SEMA3C: variants seen among roughly 807,000 people sequenced by gnomAD.
The protein encoded by SEMA3C is semaphorin-3C.
Under a neutral mutation model 89.4 loss-of-function variants are expected in SEMA3C, and 47 were observed. The observed-to-expected ratio is 0.53, with a 90% confidence interval of 0.42 to 0.67. The LOEUF is 0.67. Among genes scored for constraint, SEMA3C ranks in the 30% least tolerant of loss-of-function variants. The pLI is 0.00. For missense variants in SEMA3C, 839 were observed against 929.1 expected, an observed-to-expected ratio of 0.90 and a Z score of 1.26; for synonymous variants, 310 against 320.2, an observed-to-expected ratio of 0.97 and a Z score of 0.34.
intron 2 of SEMA3C, among the ~76,000 whole-genome samples, chr7:80,913,058 T>C (rs1394000015): frequency 6.6e-6 from 1 of 152,126 alleles, no homozygotes; most frequent in Non-Finnish European, 1.5e-5. Flanking sequence ...GGCAGCTTTA[T>C]TACTAAAAAT....
At chr7:80,844,377 AAATT>A (rs1790340925) in intron 2 of SEMA3C, among the ~76,000 whole-genome samples, 1 of 152,186 alleles carries the variant, frequency 6.6e-6, no homozygotes, top group Non-Finnish European at 1.5e-5. Flanking sequence ...GATTTTACAT[AAATT>A]AACATTTATC....
intron 11 of SEMA3C, among the ~76,000 whole-genome samples, chr7:80,797,858 C>T (rs1789102983): frequency 6.6e-6 from 1 of 152,008 alleles, no homozygotes; most frequent in Admixed American, 6.6e-5. Flanking sequence ...ATTAGCCGGG[C>T]ATGGTGGTGC....
intron 2 of SEMA3C, among the ~76,000 whole-genome samples, chr7:80,839,423 AACAG>A (rs1458927194): frequency 6.6e-6 from 1 of 152,198 alleles, no homozygotes; most frequent in Non-Finnish European, 1.5e-5. Context: ...GATACCTGAC[AACAG>A]ACAGAGAAAA....
chr7:80,909,106 T>G (rs1792085988), intron 2 of SEMA3C, among the ~76,000 whole-genome samples: 1 of 152,112 alleles, frequency 6.6e-6, no homozygotes, highest in African/African-American at 2.4e-5. Flanking sequence ...GTGAGAGAGT[T>G]CTGCATTTAT....
At chr7:80,754,002 A>G (rs974665470) in intron 15 of SEMA3C, among the ~76,000 whole-genome samples, 1 of 152,106 alleles carries the variant, frequency 6.6e-6, no homozygotes, top group African/African-American at 2.4e-5. Flanking sequence ...CAGTGGTGCA[A>G]TCTCGGCTCG....
Position 80,818,385 on chromosome 7 carries a change from T to C in SEMA3C, c.361A>G (p.Thr121Ala). Residue 121 changes from threonine to alanine, a missense_variant, in exon 5 of 18, where the codon ACT (threonine) becomes GCT (alanine). By Grantham distance (58) the Thr-to-Ala change is moderately conservative (BLOSUM62 0). Coordinates refer to ENST00000265361, the MANE Select transcript of SEMA3C (RefSeq NM_006379.5). ...ACATACAAATGTGTGCGATTGAAAG[T>C]CTGAATTACACGGACAAAGTTCCCA... ...GCGNFVRVIQTFNRTHLYVCG... is the reference protein window; with the variant it reads ...GCGNFVRVIQAFNRTHLYVCG... 6.2e-7 allele frequency: 1 copy of C among 1,613,432 alleles called. No homozygotes were observed. Among genetic ancestry groups the C allele is most frequent in the Non-Finnish European group, 8.5e-7 (1 of 1,179,450 alleles).
intron 2 of SEMA3C, among the ~76,000 whole-genome samples, chr7:80,873,701 T>C (rs1400299959): frequency 6.6e-6 from 1 of 152,214 alleles, no homozygotes; most frequent in African/African-American, 2.4e-5. Flanking sequence ...ATCAGACCTC[T>C]AGGAGGGCCT....
intron 15 of SEMA3C, among the ~76,000 whole-genome samples, chr7:80,753,524 C>A (rs1787985318): frequency 6.6e-6 from 1 of 151,972 alleles, no homozygotes; most frequent in Non-Finnish European, 1.5e-5. Context: ...CAGAAAAAAA[C>A]ATTGTTATGG....
At chr7:80,806,814 G>C (rs1211932668) in intron 6 of SEMA3C, among the ~76,000 whole-genome samples, 2 of 152,120 alleles carry the variant, frequency 1.3e-5, no homozygotes, top group Non-Finnish European at 1.5e-5. Flanking sequence ...GCTACCTTCA[G>C]ACCGTGGTCA....
intron 8 of SEMA3C, 132 bp downstream of exon 8, chr7:80,803,974 T>A (rs1037783661): frequency 1.4e-5 from 11 of 774,940 alleles, no homozygotes; most frequent in Non-Finnish European, 2.1e-5. Flanking sequence ...ATAATGATGA[T>A]GAATAAATGT....
At chr7:80,772,589 A>C (rs979025059) in intron 12 of SEMA3C, among the ~76,000 whole-genome samples, 1 of 152,156 alleles carries the variant, frequency 6.6e-6, no homozygotes. Context: ...GGCCCTTAGA[A>C]AGGCTGTCTC....
At chr7:80,883,852 T>G (rs1280105029) in intron 2 of SEMA3C, among the ~76,000 whole-genome samples, 1 of 152,226 alleles carries the variant, frequency 6.6e-6, no homozygotes, top group African/African-American at 2.4e-5. Context: ...TAACTCATAA[T>G]TCACAAGAAT....
intron 5 of SEMA3C, among the ~76,000 whole-genome samples, chr7:80,817,331 A>G (rs989865410): frequency 1.3e-5 from 2 of 152,172 alleles, no homozygotes; most frequent in African/African-American, 4.8e-5. Context: ...AATAAGCTTT[A>G]GATCAGTAGA....
At chr7:80,849,726 T>C (rs1253766463) in intron 2 of SEMA3C, among the ~76,000 whole-genome samples, 3 of 152,136 alleles carry the variant, frequency 2.0e-5, no homozygotes, top group Admixed American at 1.3e-4. Flanking sequence ...AGACAATCTT[T>C]GTGGTCTTGT....
At chr7:80,771,514 C>G (rs1046007879) in intron 12 of SEMA3C, among the ~76,000 whole-genome samples, 1 of 152,136 alleles carries the variant, frequency 6.6e-6, no homozygotes, top group African/African-American at 2.4e-5. Flanking sequence ...TATAAGGGAG[C>G]ACAGCAATTA....
intron 2 of SEMA3C, among the ~76,000 whole-genome samples, chr7:80,852,672 T>A (rs1790540193): frequency 6.8e-6 from 1 of 147,860 alleles, no homozygotes; most frequent in African/African-American, 2.6e-5. Flanking sequence ...CAAAGCTGAA[T>A]AGACATTTTT....
At chr7:80,910,319 C>A (rs1792113757) in intron 2 of SEMA3C, among the ~76,000 whole-genome samples, 1 of 152,186 alleles carries the variant, frequency 6.6e-6, no homozygotes. Flanking sequence ...AGCTCATTCT[C>A]ATTGGATAAG....
intron 2 of SEMA3C, among the ~76,000 whole-genome samples, chr7:80,845,603 A>AT (rs1398221316): frequency 2.6e-5 from 4 of 152,038 alleles, no homozygotes; most frequent in Non-Finnish European, 5.9e-5. Context: ...CATATCTGTC[A>AT]TTTTCTCTCC....
At chr7:80,822,357 C>G (rs953714140) in intron 4 of SEMA3C, among the ~76,000 whole-genome samples, 2 of 135,838 alleles carry the variant, frequency 1.5e-5, no homozygotes, top group African/African-American at 5.5e-5. Context: ...CAGGCAAAAG[C>G]ATAAGGAAAG....
Sources: gnomAD v4.1 joint callset for allele counts (sites outside exome capture counted in the v4.1 genomes callset) on GRCh38, gnomAD v4.1.1 for gene constraint, MANE v1.5 for transcripts, NCBI Gene and HGNC (gene_info 2026-07-23, HGNC 2026-07-21) for gene names.